The following RERE variants were observed in gnomAD, a reference collection of about 807,000 sequenced individuals.
The protein encoded by RERE is arginine-glutamic acid dipeptide repeats, also known as arginine-glutamic acid dipeptide repeats protein.
Under a neutral mutation model 146.1 loss-of-function variants are expected in RERE, and 40 were observed. The observed-to-expected ratio is 0.27, with a 90% CI of 0.21 to 0.36. The LOEUF (loss-of-function observed/expected upper bound fraction) is 0.36, where lower values mean the gene tolerates loss of function less well. Ranked by LOEUF, RERE falls within the 10% of genes least tolerant of loss-of-function variation. The pLI, the probability that RERE is intolerant of heterozygous loss-of-function variation, is 1.00. For missense variants in RERE, 1,933 were observed against 2,138.7 expected, an observed-to-expected ratio of 0.90 and a Z score of 1.90; for synonymous variants, 1,003 against 866.0, an observed-to-expected ratio of 1.16 and a Z score of -2.78.
rs529821563 is a variant in RERE, at chr1:8,416,323, C to T, written c.1284+6404G>A. ...GCTCACGGTCAGGCGCGGTGGCTCA[C>T]ACCTGTAATCCCAGCACTTTGGGAG... On this transcript the variant is annotated intron_variant, in intron 12 of 22. Transcript: ENST00000400908. Among the ~76,000 whole-genome samples, 193 of 152,268 alleles carry T rather than the reference C, an allele frequency of 1.3e-3. 1 individual carries two copies. Among genetic ancestry groups the T allele is most frequent in the African/African-American group, 4.3e-3 (178 of 41,536 alleles).
chr1:8,762,074 A>G (rs915155787), intron 1 of RERE, among the ~76,000 whole-genome samples: 3 of 152,214 alleles, frequency 2.0e-5, no homozygotes, highest in African/African-American at 7.2e-5. Flanking sequence ...AAAAGGCTCC[A>G]TTCCCCACCA....
At position 8,360,124 on chromosome 1, in the gene RERE, C is replaced by A; in HGVS notation, c.3383G>T (p.Ser1128Ile). The change falls in exon 18 of 23, where the codon AGC becomes ATC. Residue 1128 changes from serine to isoleucine, a missense_variant. Transcript: ENST00000400908. Reference protein sequence around the residue: ...PTVVDTPSHASQSARFYKHLD... With the variant: ...PTVVDTPSHAIQSARFYKHLD... ...CTAGGAAGCGTACCTAGCTGACTGG[C>A]TGGCGTGACTGGGGGTGTCCACCAC... The A allele has an allele frequency of 6.3e-7, 1 of 1,579,828 alleles. No individual in the cohort carries two copies. The highest frequency in any genetic ancestry group is 8.6e-7 in the Non-Finnish European group (1 of 1,161,370).
At position 8,372,710 on chromosome 1, in the gene RERE, A is replaced by C. The variant is rs193166170; in HGVS notation, c.1285-6736T>G. Among the ~76,000 whole-genome samples, 59 of 152,358 alleles carry C rather than the reference A, an allele frequency of 3.9e-4. No homozygotes were observed. The East Asian group carries it at 9.6e-3, about 25-fold the overall frequency. On this transcript the variant is annotated intron_variant, in intron 12 of 22. Transcript: ENST00000400908. ...TGCTGGCCTTACGGCTATGTTAAGG[A>C]AGGCCCTGGAACACCAGTTTCCTGC...
At chr1:8,427,848 C>T (rs1173972246) in intron 11 of RERE, among the ~76,000 whole-genome samples, 1 of 152,124 alleles carries the variant, frequency 6.6e-6, no homozygotes, top group African/African-American at 2.4e-5. Context: ...AGGGGTCACA[C>T]GTGAAAGAGA....
intron 10 of RERE, among the ~76,000 whole-genome samples, chr1:8,468,908 AAAAG>A (rs907818788): frequency 1.8e-4 from 28 of 152,042 alleles, no homozygotes; most frequent in African/African-American, 5.3e-4. Context: ...AATAAAAAAA[AAAAG>A]AAAGAAAGAA....
intron 8 of RERE, among the ~76,000 whole-genome samples, chr1:8,501,885 T>TG (rs1323786039): frequency 9.2e-4 from 15 of 16,232 alleles, no homozygotes; most frequent in African/African-American, 3.5e-3. Flanking sequence ...GGGAGGCAGG[T>TG]GGGGGGGGTC....
intron 6 of RERE, among the ~76,000 whole-genome samples, chr1:8,555,086 G>T (rs940344499): frequency 6.6e-6 from 1 of 152,202 alleles, no homozygotes; most frequent in Non-Finnish European, 1.5e-5. Context: ...CCTGTAAGAA[G>T]TCAAACCTAA....
intron 11 of RERE, among the ~76,000 whole-genome samples, chr1:8,446,231 G>A (rs936579784): frequency 2.0e-5 from 3 of 152,150 alleles, no homozygotes; most frequent in African/African-American, 7.2e-5. Context: ...GAGATCCGCT[G>A]ATAGTCTGAT....
chr1:8,488,844 T>C (rs985840181), intron 10 of RERE, among the ~76,000 whole-genome samples: 3 of 152,218 alleles, frequency 2.0e-5, no homozygotes, highest in African/African-American at 7.2e-5. Flanking sequence ...ACAACAGGTA[T>C]CTGTGTGGAA....
chr1:8,522,632 G>A (rs2124344969), intron 7 of RERE, among the ~76,000 whole-genome samples: 1 of 152,308 alleles, frequency 6.6e-6, no homozygotes, highest in East Asian at 1.9e-4. Context: ...AGCACTTTGG[G>A]AGGCTGAGGC....
intron 12 of RERE, among the ~76,000 whole-genome samples, chr1:8,385,993 A>AATATATATATATAT (rs1553159745): frequency 3.8e-5 from 1 of 26,482 alleles, no homozygotes; most frequent in Non-Finnish European, 7.1e-5. Context: ...AAAAAAAAAA[A>AATATATATATATAT]ATATATATAT....
intron 11 of RERE, among the ~76,000 whole-genome samples, chr1:8,441,975 G>A (rs747857017): frequency 6.4e-5 from 9 of 141,676 alleles, no homozygotes; most frequent in Non-Finnish European, 1.1e-4. Context: ...AAGGTCAATC[G>A]GACACTGGAC....
chr1:8,555,415 G>A (rs1251694457), intron 6 of RERE, among the ~76,000 whole-genome samples: 1 of 152,126 alleles, frequency 6.6e-6, no homozygotes, highest in Non-Finnish European at 1.5e-5. Context: ...GCTTGCCAAA[G>A]CCTGCCCTAA....
intron 6 of RERE, among the ~76,000 whole-genome samples, chr1:8,555,684 C>A (rs1309585695): frequency 6.6e-6 from 1 of 152,186 alleles, no homozygotes; most frequent in East Asian, 1.9e-4. Flanking sequence ...AGTCTTACTT[C>A]CTATACCACT....
intron 4 of RERE, among the ~76,000 whole-genome samples, chr1:8,587,101 G>A (rs1646436165): frequency 6.6e-6 from 1 of 152,206 alleles, no homozygotes; most frequent in Admixed American, 6.5e-5. Flanking sequence ...CCTTAAAGGA[G>A]TCCTCATTTC....
chr1:8,459,046 T>A (rs968281809), intron 11 of RERE, among the ~76,000 whole-genome samples: 1 of 152,260 alleles, frequency 6.6e-6, no homozygotes, highest in Admixed American at 6.5e-5. Flanking sequence ...TGCATATAAT[T>A]GATTTTTAAT....
chr1:8,661,992 C>G (rs1440196076), intron 1 of RERE, among the ~76,000 whole-genome samples: 8 of 152,110 alleles, frequency 5.3e-5, no homozygotes, highest in Non-Finnish European at 1.0e-4. Flanking sequence ...AAGGCAGTAC[C>G]CTTAGGACTC....
chr1:8,674,661 T>A (rs373604942), intron 1 of RERE, among the ~76,000 whole-genome samples: 1 of 152,216 alleles, frequency 6.6e-6, no homozygotes, highest in Non-Finnish European at 1.5e-5. Flanking sequence ...TCCAACTGTT[T>A]AAAGTCAAGT....
chr1:8,769,941 A>C (rs1484026564), intron 1 of RERE, among the ~76,000 whole-genome samples: 1 of 152,024 alleles, frequency 6.6e-6, no homozygotes, highest in Admixed American at 6.6e-5. Flanking sequence ...GGCGCACACC[A>C]CTGCACCTGG....
Sources: allele counts gnomAD v4.1 joint callset (sites outside exome capture counted in the v4.1 genomes callset), GRCh38; gene constraint gnomAD v4.1.1; transcripts MANE v1.5; gene names NCBI Gene and HGNC (gene_info 2026-07-23, HGNC 2026-07-21).